The following COG4 variants were observed in gnomAD, a reference collection of about 807,000 sequenced individuals.
COG4 encodes the protein conserved oligomeric Golgi complex subunit 4.
In COG4, 65 loss-of-function variants were observed where a neutral mutation model predicts 95.1. The ratio of observed to expected loss-of-function variants is 0.68; its 90% CI spans 0.56 to 0.84. The LOEUF (loss-of-function observed/expected upper bound fraction) is 0.84, where lower values mean the gene tolerates loss of function less well. COG4 is among the 40% of genes least tolerant of loss of function. COG4 has a pLI of 0.00. For synonymous variants in COG4, 421 were observed against 374.8 expected (o/e 1.12, Z -1.42); for missense variants, 1,045 against 989.1 (o/e 1.06, Z -0.76).
chr16:70,513,759 T>A (rs1287840781), intron 4 of COG4, among the ~76,000 whole-genome samples: 1 of 152,188 alleles, frequency 6.6e-6, no homozygotes, highest in African/African-American at 2.4e-5. Context: ...ATTTCTGGAA[T>A]TTTTCCTTAA....
intron 9 of COG4, among the ~76,000 whole-genome samples, chr16:70,499,324 T>A (rs2049401894): frequency 6.6e-6 from 1 of 152,218 alleles, no homozygotes; most frequent in Non-Finnish European, 1.5e-5. Flanking sequence ...GTGATAGTCA[T>A]CATTATTGCT....
In COG4 at chr16:70,522,899, G is replaced by A. The variant is rs976904454; in HGVS notation, c.171+474C>T. 2.0e-5 allele frequency among the ~76,000 whole-genome samples: 3 copies of A among 152,098 alleles called. No homozygotes were observed. The South Asian group carries it at 6.2e-4, about 31-fold the overall frequency. On this transcript the variant is annotated intron_variant, in intron 1 of 18. Transcript: ENST00000323786. The stretch of plus-strand genomic sequence containing the variant: ...ACAAAGATGTGCATTTGACCAAAAC[G>A]CTAAAATCACACCCCCAAATCACTC...
intron 4 of COG4, 27 bp downstream of exon 4, chr16:70,514,308 T>C: frequency 6.2e-7 from 1 of 1,612,670 alleles, no homozygotes. Flanking sequence ...TTAACTAAAC[T>C]AAAAACCAAC....
chr16:70,492,645 C>T (rs1298731365), intron 12 of COG4, among the ~76,000 whole-genome samples: 1 of 120,624 alleles, frequency 8.3e-6, no homozygotes, highest in Non-Finnish European at 1.8e-5. Flanking sequence ...TGTGCAACAA[C>T]AGCAAAACTC....
In COG4 at chr16:70,509,913, C is replaced by T; in HGVS notation, c.844+3G>A. ...TCTCTCTAGAGCGGAGAAAGAGGCT[C>T]ACCTTCAAACAGAAGAGTAAGTGTA... On this transcript the variant is annotated splice_donor_region_variant and intron_variant, in intron 6 of 18. Transcript: ENST00000323786. 1 of 1,611,026 alleles carries T rather than the reference C, an allele frequency of 6.2e-7. No homozygotes were observed. The highest frequency in any genetic ancestry group is 1.1e-5 in the South Asian group (1 of 91,018).
intron 9 of COG4, 37 bp from the exon 10 acceptor site, chr16:70,498,092 T>C (rs768633236): frequency 1.4e-5 from 20 of 1,386,126 alleles, no homozygotes; most frequent in South Asian, 1.4e-4. Flanking sequence ...TCATTTTTTT[T>C]CCCCAAGGGA....
chr16:70,523,356 G>C lies in COG4; in HGVS notation c.171+17C>G. On this transcript the variant is annotated intron_variant, in intron 1 of 18. Transcript: ENST00000323786. ...TCCCTAGATCCTCCATGAAAAAGAAGAGGCTCGACCCCGCACCTCCTCGCC... is the reference window on the plus strand; with the variant it reads ...TCCCTAGATCCTCCATGAAAAAGAACAGGCTCGACCCCGCACCTCCTCGCC... 1 of 1,613,934 alleles carries C rather than the reference G, an allele frequency of 6.2e-7. No individual in the cohort carries two copies. The highest frequency in any genetic ancestry group is 8.5e-7 in the Non-Finnish European group (1 of 1,179,874).
chr16:70,509,423 G>A, intron 6 of COG4, 35 bp from the exon 7 acceptor site: 3 of 1,612,602 alleles, frequency 1.9e-6, no homozygotes, highest in Non-Finnish European at 2.5e-6. Flanking sequence ...TATATTCCAA[G>A]TATTCTTCCT....
intron 8 of COG4, among the ~76,000 whole-genome samples, chr16:70,503,597 T>TAAGGTCTCAGATCTAAGG (rs1567384670): frequency 2.5e-5 from 1 of 40,068 alleles, no homozygotes; most frequent in African/African-American, 1.6e-4. Context: ...TACTTACTCT[T>TAAGGTCTCAGATCTAAGG]TTTTTTTTTT....
chr16:70,506,376 C>T (rs1024930002), intron 8 of COG4, among the ~76,000 whole-genome samples: 1 of 151,738 alleles, frequency 6.6e-6, no homozygotes, highest in African/African-American at 2.4e-5. Context: ...GCACTCCAGC[C>T]TGGGTGACAG....
In COG4 at chr16:70,481,696, G is replaced by T. The variant is rs555985478; in HGVS notation, c.2106+68C>A. The T allele has an allele frequency of 4.0e-4, 574 of 1,420,662 alleles. 1 individual carries two copies. The African/African-American group carries it at 5.1e-3, about 13-fold the overall frequency. 88.0% of individuals were successfully genotyped at this position (1,420,662 alleles called of 1,614,324 possible). On this transcript the variant is annotated intron_variant, in intron 17 of 18. Coordinates refer to ENST00000323786, the MANE Select transcript of COG4 (RefSeq NM_015386.3). The stretch of plus-strand genomic sequence containing the variant: ...GACAGAGGGGATGCAAGTCCTGGGG[G>T]TGGTGGCATGACATGTCTTCCTCAG...
intron 8 of COG4, 23 bp downstream of exon 8, chr16:70,508,383 G>A: frequency 6.2e-7 from 1 of 1,602,870 alleles, no homozygotes; most frequent in Non-Finnish European, 8.5e-7. Context: ...CCTGTGGGCT[G>A]AAGAAGAGAG....
At chr16:70,521,414 G>C (rs1040335708) in intron 1 of COG4, among the ~76,000 whole-genome samples, 2 of 151,878 alleles carry the variant, frequency 1.3e-5, no homozygotes, top group African/African-American at 4.8e-5. Flanking sequence ...GACTAACATG[G>C]TTTCGCCACG....
intron 1 of COG4, among the ~76,000 whole-genome samples, chr16:70,521,197 G>A (rs901201876): frequency 6.7e-6 from 1 of 149,006 alleles, no homozygotes; most frequent in Non-Finnish European, 1.5e-5. Context: ...AGAGGCATGA[G>A]CCACTTGTGC....
At chr16:70,497,823 T>TG (rs1450026868) in intron 10 of COG4, 114 bp downstream of exon 10, 12 of 787,084 alleles carry the variant, frequency 1.5e-5, no homozygotes, top group Admixed American at 1.2e-4. Context: ...TCAATCTGCA[T>TG]GCAAGAGTAT....
chr16:70,494,209 A>G (rs942909040), intron 12 of COG4, among the ~76,000 whole-genome samples: 9 of 152,204 alleles, frequency 5.9e-5, no homozygotes, highest in African/African-American at 2.2e-4. Context: ...GAAGGCCATA[A>G]GTGTTTCCAA....
At chr16:70,520,586 C>A (rs535000176) in intron 1 of COG4, among the ~76,000 whole-genome samples, 1 of 151,078 alleles carries the variant, frequency 6.6e-6, no homozygotes, top group East Asian at 1.9e-4. Flanking sequence ...GAGCCGAGAT[C>A]GTGCCATTTC....
intron 8 of COG4, chr16:70,501,454 C>T (rs75230126): frequency 0.016 from 4,452 of 270,216 alleles, 202 homozygotes; most frequent in African/African-American, 0.095. Context: ...CCTGGGTTCA[C>T]GCCATTTCTC....
intron 8 of COG4, among the ~76,000 whole-genome samples, chr16:70,507,884 G>A (rs1287929637): frequency 6.6e-6 from 1 of 151,224 alleles, no homozygotes; most frequent in Non-Finnish European, 1.5e-5. Context: ...AAGTATTCCA[G>A]TCATTAAATG....
Sources: gnomAD v4.1 joint callset for allele counts (sites outside exome capture counted in the v4.1 genomes callset) on GRCh38, gnomAD v4.1.1 for gene constraint, MANE v1.5 for transcripts, NCBI Gene and HGNC (gene_info 2026-07-23, HGNC 2026-07-21) for gene names.